The following CTNNA2 variants were observed in gnomAD, a reference collection of about 807,000 sequenced individuals.
CTNNA2 encodes the protein catenin alpha 2.
Under a neutral mutation model 101.0 loss-of-function variants are expected in CTNNA2, and 42 were observed. The observed-to-expected ratio is 0.42, with a 90% CI of 0.32 to 0.54. The LOEUF is 0.54. Ranked by LOEUF, CTNNA2 falls within the 20% of genes least tolerant of loss-of-function variation. CTNNA2 has a pLI of 0.14. For synonymous variants in CTNNA2, 450 were observed against 456.4 expected, an observed-to-expected ratio of 0.99 and a Z score of 0.18; for missense variants, 871 against 1,223.1, an observed-to-expected ratio of 0.71 and a Z score of 4.29.
intron 4 of CTNNA2, among the ~76,000 whole-genome samples, chr2:79,474,502 T>C (rs1671031719): frequency 6.6e-6 from 1 of 152,130 alleles, no homozygotes; most frequent in East Asian, 1.9e-4. Context: ...AAGGAAGCCT[T>C]GAATAAAAAG....
chr2:79,416,556 C>T (rs1309138645), intron 4 of CTNNA2, among the ~76,000 whole-genome samples: 2 of 151,966 alleles, frequency 1.3e-5, no homozygotes, highest in Non-Finnish European at 2.9e-5. Flanking sequence ...ATGTCAGTCC[C>T]ACCCCATGTA....
At chr2:79,517,883 A>G (rs1671889842) in intron 1 of CTNNA2, among the ~76,000 whole-genome samples, 2 of 152,156 alleles carry the variant, frequency 1.3e-5, no homozygotes, top group Admixed American at 1.3e-4. Context: ...AGACTATTAC[A>G]TTTCAGGTAT....
intron 3 of CTNNA2, among the ~76,000 whole-genome samples, chr2:79,316,344 C>T (rs1393471520): frequency 6.6e-6 from 1 of 152,046 alleles, no homozygotes; most frequent in African/African-American, 2.4e-5. Context: ...ACTTTTGCAG[C>T]AAGTTTTGAA....
intron 4 of CTNNA2, among the ~76,000 whole-genome samples, chr2:79,458,040 C>T (rs987093979): frequency 4.6e-5 from 7 of 152,158 alleles, no homozygotes; most frequent in African/African-American, 1.7e-4. Context: ...CCAGAGCAAA[C>T]CTTAAGCTCA....
chr2:80,157,369 C>T (rs538529017), intron 7 of CTNNA2, among the ~76,000 whole-genome samples: 1 of 152,256 alleles, frequency 6.6e-6, no homozygotes, highest in South Asian at 2.1e-4. Flanking sequence ...GGAGCTATCT[C>T]ATGGGTCCTA....
chr2:79,870,074 T>C (rs1682467944), intron 5 of CTNNA2, 139 bp downstream of exon 5: 3 of 1,117,636 alleles, frequency 2.7e-6, no homozygotes, highest in Non-Finnish European at 3.8e-6. Context: ...AAAGGTTGCT[T>C]CCTGCAGGGG....
intron 7 of CTNNA2, among the ~76,000 whole-genome samples, chr2:80,032,428 A>C (rs1360209323): frequency 6.6e-6 from 1 of 152,222 alleles, no homozygotes; most frequent in Non-Finnish European, 1.5e-5. Context: ...AAAATTCATC[A>C]TACTAATAAT....
intron 3 of CTNNA2, among the ~76,000 whole-genome samples, chr2:79,365,867 G>C (rs1209630099): frequency 6.6e-6 from 1 of 152,082 alleles, no homozygotes; most frequent in Admixed American, 6.6e-5. Flanking sequence ...TTTCTGTAAC[G>C]GTCACTGTAA....
At chr2:79,800,781 T>A (rs1309307949) in intron 3 of CTNNA2, among the ~76,000 whole-genome samples, 1 of 152,188 alleles carries the variant, frequency 6.6e-6, no homozygotes, top group Non-Finnish European at 1.5e-5. Context: ...AAGACAATTT[T>A]AGTCTGATGG....
At chr2:80,491,299 C>A (rs1687039340) in intron 9 of CTNNA2, among the ~76,000 whole-genome samples, 1 of 152,186 alleles carries the variant, frequency 6.6e-6, no homozygotes, top group Non-Finnish European at 1.5e-5. Context: ...TGAATGGCCC[C>A]TATTCCCTTG....
At position 79,928,293 on chromosome 2, in the gene CTNNA2, G is replaced by A. The variant is rs533598072; in HGVS notation, c.1056+18496G>A. 1.1e-4 allele frequency among the ~76,000 whole-genome samples: 17 copies of A among 152,104 alleles called. No individual in the cohort carries two copies. In the South Asian group the frequency reaches 2.9e-3, roughly 26 times the overall value. On this transcript the variant is annotated intron_variant, in intron 7 of 18. Coordinates refer to ENST00000402739, the MANE Select transcript of CTNNA2 (RefSeq NM_001282597.3). Reference sequence around the variant, plus strand: ...GTCATGCACTTTGTTGACTTACATCGGGTAGTATTTCTATTATTCAACTGT... The same window carrying A: ...GTCATGCACTTTGTTGACTTACATCAGGTAGTATTTCTATTATTCAACTGT...
chr2:79,788,258 A>G (rs1675004345), intron 3 of CTNNA2, among the ~76,000 whole-genome samples: 1 of 152,128 alleles, frequency 6.6e-6, no homozygotes, highest in Admixed American at 6.6e-5. Flanking sequence ...GCTCAGACTC[A>G]CGTGGTGGAA....
At chr2:79,993,873 G>T (rs1456424185) in intron 7 of CTNNA2, among the ~76,000 whole-genome samples, 2 of 152,156 alleles carry the variant, frequency 1.3e-5, no homozygotes, top group Non-Finnish European at 2.9e-5. Flanking sequence ...GTTTGGTTTT[G>T]TTGGTTTGTT....
intron 7 of CTNNA2, among the ~76,000 whole-genome samples, chr2:80,033,686 G>A (rs757540328): frequency 4.6e-5 from 7 of 152,102 alleles, no homozygotes; most frequent in Admixed American, 6.5e-5. Flanking sequence ...AACAAATACC[G>A]TATAAGAAGA....
At chr2:80,069,219 C>T (rs1483503823) in intron 7 of CTNNA2, among the ~76,000 whole-genome samples, 1 of 152,144 alleles carries the variant, frequency 6.6e-6, no homozygotes, top group Non-Finnish European at 1.5e-5. Context: ...ATATTGGAAG[C>T]TGCCCTAATG....
At chr2:79,379,950 A>T (rs989853149) in intron 4 of CTNNA2, among the ~76,000 whole-genome samples, 1 of 152,196 alleles carries the variant, frequency 6.6e-6, no homozygotes, top group Non-Finnish European at 1.5e-5. Flanking sequence ...TAGTCTTCAA[A>T]ATATCCAGTT....
chr2:79,678,787 TCTC>T (rs1326974147), intron 2 of CTNNA2, among the ~76,000 whole-genome samples: 1 of 152,146 alleles, frequency 6.6e-6, no homozygotes, highest in African/African-American at 2.4e-5. Flanking sequence ...TGAATAGCAT[TCTC>T]CAAATTAGGC....
intron 1 of CTNNA2, chr2:79,573,790 T>C: frequency 6.6e-6 from 1 of 152,214 alleles, no homozygotes; most frequent in East Asian, 1.9e-4. Context: ...TTCATGTTGA[T>C]AGCACTTGTG....
intron 14 of CTNNA2, among the ~76,000 whole-genome samples, chr2:80,587,186 A>G (rs1219626742): frequency 6.6e-6 from 1 of 152,190 alleles, no homozygotes; most frequent in African/African-American, 2.4e-5. Flanking sequence ...TATTATTAAA[A>G]TGGGGATAGT....
Sources: allele counts gnomAD v4.1 joint callset (sites outside exome capture counted in the v4.1 genomes callset), GRCh38; gene constraint gnomAD v4.1.1; transcripts MANE v1.5; gene names NCBI Gene and HGNC (gene_info 2026-07-23, HGNC 2026-07-21).